MRPL48: variants seen among roughly 807,000 people sequenced by gnomAD.
MRPL48 encodes the protein large ribosomal subunit protein mL48.
In MRPL48, 16 loss-of-function variants were observed where a neutral mutation model predicts 32.9. The observed-to-expected ratio is 0.49, with a 90% CI of 0.33 to 0.74. MRPL48 has a LOEUF of 0.74. Ranked by LOEUF, MRPL48 falls within the 30% of genes least tolerant of loss-of-function variation. The probability of loss-of-function intolerance (pLI) is 0.02; values close to 1 mark genes in which losing one functional copy is unlikely to be tolerated. For missense variants in MRPL48, 206 were observed against 245.3 expected, an observed-to-expected ratio of 0.84 and a Z score of 1.07; for synonymous variants, 94 against 89.2, an observed-to-expected ratio of 1.05 and a Z score of -0.31.
chr11:73,864,620 T>A lies in MRPL48; in HGVS notation c.*250T>A, dbSNP rs1591017778. On this transcript the variant is annotated 3_prime_UTR_variant, in exon 8 of 8. Transcript: ENST00000310614. ...GCAGATGTGTATATGTATGTGTGTGTGAGAGAGAGAAATTGGCCCATCCTG... is the reference window on the plus strand; with the variant it reads ...GCAGATGTGTATATGTATGTGTGTGAGAGAGAGAGAAATTGGCCCATCCTG... 2.0e-6 allele frequency: 1 copy of A among 499,794 alleles called. No individual in the cohort carries two copies. The highest frequency in any genetic ancestry group is 2.9e-5 in the South Asian group (1 of 34,628). The allele number at this position is 499,794 out of a possible 1,614,324, so 31.0% of individuals were successfully genotyped here. A position where few individuals can be genotyped will look rare whatever the true frequency, so the allele number is the denominator to read the frequency against.
At chr11:73,821,134 G>A (rs1590960314) in intron 3 of MRPL48, among the ~76,000 whole-genome samples, 1 of 152,092 alleles carries the variant, frequency 6.6e-6, no homozygotes, top group Non-Finnish European at 1.5e-5. Flanking sequence ...TAGGGCTATA[G>A]GCACATGCCA....
intron 6 of MRPL48, 117 bp from the exon 7 acceptor site, chr11:73,863,055 C>T: frequency 1.2e-6 from 1 of 860,188 alleles, no homozygotes; most frequent in Non-Finnish European, 1.8e-6. Context: ...TGTTAATCTT[C>T]CACGCTTGGG....
At chr11:73,814,734 T>A (rs1168320959) in intron 3 of MRPL48, among the ~76,000 whole-genome samples, 1 of 145,390 alleles carries the variant, frequency 6.9e-6, no homozygotes, top group Non-Finnish European at 1.5e-5. Flanking sequence ...TGGCTCATGC[T>A]TGTAATCTCG....
At chr11:73,828,834 G>A (rs535808399) in intron 4 of MRPL48, among the ~76,000 whole-genome samples, 1 of 150,956 alleles carries the variant, frequency 6.6e-6, no homozygotes, top group Non-Finnish European at 1.5e-5. Flanking sequence ...CAACAAAAAA[G>A]TGTTTTCTTC....
intron 4 of MRPL48, among the ~76,000 whole-genome samples, chr11:73,826,353 C>A (rs566270369): frequency 6.6e-6 from 1 of 152,018 alleles, no homozygotes; most frequent in Non-Finnish European, 1.5e-5. Flanking sequence ...AAAAAAAAAT[C>A]TTCCTAGTAG....
At chr11:73,837,878 C>T (rs1000063933) in intron 4 of MRPL48, among the ~76,000 whole-genome samples, 3 of 152,114 alleles carry the variant, frequency 2.0e-5, no homozygotes, top group African/African-American at 4.8e-5. Context: ...GACAGAGTCT[C>T]GCACTGTTGC....
intron 1 of MRPL48, among the ~76,000 whole-genome samples, chr11:73,790,620 G>A (rs910733727): frequency 5.3e-5 from 8 of 151,602 alleles, no homozygotes; most frequent in Admixed American, 3.3e-4. Context: ...TCCTGACCTC[G>A]TGATCTGCCC....
At chr11:73,845,009 G>A in intron 5 of MRPL48, 33 bp downstream of exon 5, 1 of 1,584,830 alleles carries the variant, frequency 6.3e-7, no homozygotes, top group Non-Finnish European at 8.6e-7. Context: ...GGATGTTCTT[G>A]GTGTGGGTAG....
chr11:73,791,016 G>A (rs1167129924), intron 1 of MRPL48, among the ~76,000 whole-genome samples: 2 of 149,790 alleles, frequency 1.3e-5, no homozygotes, highest in Non-Finnish European at 3.0e-5. Context: ...CTCCTGAGTT[G>A]CTGGGACTAC....
chr11:73,859,717 G>A (rs1948551005), intron 5 of MRPL48, among the ~76,000 whole-genome samples, 190 bp from the exon 6 acceptor site: 1 of 152,018 alleles, frequency 6.6e-6, no homozygotes, highest in Non-Finnish European at 1.5e-5. Context: ...CATTAAACAT[G>A]GTGTATTTGC....
rs1055115237 is a variant in MRPL48, at chr11:73,864,870, C to T, written c.*500C>T. The T allele has an allele frequency of 6.5e-6, 1 of 154,050 alleles. No homozygotes were observed. The highest frequency in any genetic ancestry group is 2.4e-5 in the African/African-American group (1 of 41,440). 9.5% of individuals were successfully genotyped at this position (154,050 alleles called of 1,614,324 possible). On this transcript the variant is annotated 3_prime_UTR_variant, in exon 8 of 8. Coordinates refer to ENST00000310614, the MANE Select transcript of MRPL48 (RefSeq NM_016055.6). Reference sequence around the variant, plus strand: ...GCAGTGGCACGATCTAGACTCACTGCAAGCTCTGCCTCCCGGGTTCACACC... The same window carrying T: ...GCAGTGGCACGATCTAGACTCACTGTAAGCTCTGCCTCCCGGGTTCACACC...
chr11:73,855,660 G>A (rs990049493), intron 5 of MRPL48, among the ~76,000 whole-genome samples: 7 of 152,056 alleles, frequency 4.6e-5, no homozygotes, highest in Middle Eastern at 3.2e-3. Flanking sequence ...GCTAATTTTT[G>A]TATTTTTAGT....
At chr11:73,788,620 C>T (rs1458732804) in intron 1 of MRPL48, among the ~76,000 whole-genome samples, 1 of 151,620 alleles carries the variant, frequency 6.6e-6, no homozygotes, top group East Asian at 1.9e-4. Context: ...ACTACAGGCG[C>T]GGGACACCAT....
At chr11:73,828,227 C>CT (rs34182477) in intron 4 of MRPL48, among the ~76,000 whole-genome samples, 13,858 of 131,942 alleles carry the variant, frequency 0.11, 741 homozygotes, top group Middle Eastern at 0.16. Flanking sequence ...CAAAATAATT[C>CT]TTTTTTTTTT....
Position 73,826,702 on chromosome 11 carries a change from A to G in MRPL48, c.201+906A>G, listed in dbSNP as rs967151093. 4.1e-5 allele frequency among the ~76,000 whole-genome samples: 6 copies of G among 147,744 alleles called. 1 individual carries two copies. Among genetic ancestry groups the G allele is most frequent in the African/African-American group, 1.3e-4 (5 of 39,722 alleles). On this transcript the variant is annotated intron_variant, in intron 4 of 7. Transcript: ENST00000310614. ...CCATGTTGACCAGCCCAGGTCTTGAACTCCTGACCCCAAGTGATCTGCCTG... is the reference window on the plus strand; with the variant it reads ...CCATGTTGACCAGCCCAGGTCTTGAGCTCCTGACCCCAAGTGATCTGCCTG...
At chr11:73,856,039 A>C (rs968490117) in intron 5 of MRPL48, among the ~76,000 whole-genome samples, 2 of 152,224 alleles carry the variant, frequency 1.3e-5, no homozygotes, top group African/African-American at 4.8e-5. Context: ...GATCTTGCCA[A>C]GTACCTGACA....
At chr11:73,788,106 G>C in intron 1 of MRPL48, 114 bp downstream of exon 1, 4 of 1,483,950 alleles carry the variant, frequency 2.7e-6, no homozygotes, top group Middle Eastern at 4.0e-4. Flanking sequence ...CCGGGGATGA[G>C]ACACTGGGGC....
Position 73,828,674 on chromosome 11 carries a change from G to A in MRPL48, c.201+2878G>A, listed in dbSNP as rs1289351454. ...AAGATACAAAGCGCTATTAAAATTC[G>A]GAAGGAATGGTTTACTTTTTTGGAG... is the stretch of plus-strand genomic sequence containing the variant. On this transcript the variant is annotated intron_variant, in intron 4 of 7. Transcript: ENST00000310614. 4.0e-5 allele frequency among the ~76,000 whole-genome samples: 6 copies of A among 151,896 alleles called. No homozygotes were observed. The South Asian group carries it at 1.0e-3, about 26-fold the overall frequency.
rs868845185 is a variant in MRPL48, at chr11:73,825,324, A to G, written c.113-384A>G. Reference sequence around the variant, plus strand: ...TGTGTGTGTGTGTGTGTGTGTGTGTATACATATTTTTTTTTCTTTTTTAAA... The same window carrying G: ...TGTGTGTGTGTGTGTGTGTGTGTGTGTACATATTTTTTTTTCTTTTTTAAA... On this transcript the variant is annotated intron_variant, in intron 3 of 7. Transcript: ENST00000310614. 7.8e-3 allele frequency among the ~76,000 whole-genome samples: 895 copies of G among 115,406 alleles called. 9 individuals carry two copies. The highest frequency in any genetic ancestry group is 0.027 in the African/African-American group (818 of 30,852). The allele number at this position is 115,406 out of a possible 152,430, so 75.7% of individuals were successfully genotyped here.
Sources: allele counts gnomAD v4.1 joint callset (sites outside exome capture counted in the v4.1 genomes callset), GRCh38; gene constraint gnomAD v4.1.1; transcripts MANE v1.5; gene names NCBI Gene and HGNC (gene_info 2026-07-23, HGNC 2026-07-21).